The following THOC5 variants were observed in gnomAD, a reference collection of about 807,000 sequenced individuals.
THOC5 encodes the protein THO complex subunit 5.
THOC5 carries 43 observed loss-of-function variants against 92.9 expected under a neutral mutation model. The observed-to-expected ratio is 0.46, with a 90% confidence interval of 0.36 to 0.60. The LOEUF (loss-of-function observed/expected upper bound fraction) is 0.60. THOC5 is among the 20% of genes least tolerant of loss of function. The probability of loss-of-function intolerance (pLI) is 0.00; values close to 1 mark genes in which losing one functional copy is unlikely to be tolerated. For synonymous variants in THOC5, 296 were observed against 320.1 expected, an observed-to-expected ratio of 0.92 and a Z score of 0.80; for missense variants, 659 against 849.4, an observed-to-expected ratio of 0.78 and a Z score of 2.79.
At chr22:29,537,314 C>G (rs2063778892) in intron 6 of THOC5, among the ~76,000 whole-genome samples, 1 of 152,154 alleles carries the variant, frequency 6.6e-6, no homozygotes, top group Non-Finnish European at 1.5e-5. Flanking sequence ...ACAGGTCAGC[C>G]CCATCTGCTA....
rs2283859 is a variant in THOC5, at chr22:29,508,530, T to C, written c.1989-10A>G. 391,134 of 1,610,380 alleles carry C rather than the reference T, an allele frequency of 0.24. 48,678 individuals carry two copies. Among genetic ancestry groups the C allele is most frequent in the Middle Eastern group, 0.3 (1,815 of 6,052 alleles). On this transcript the variant is annotated splice_polypyrimidine_tract_variant and intron_variant, in intron 19 of 19. Transcript: ENST00000490103. ...CATCCTGCTAGGACCCCTAGAGAAATAGGAGAACGGAGTTGTTAATAACAC... is the reference window on the plus strand; with the variant it reads ...CATCCTGCTAGGACCCCTAGAGAAACAGGAGAACGGAGTTGTTAATAACAC...
intron 17 of THOC5, among the ~76,000 whole-genome samples, chr22:29,513,635 G>A (rs150150909): frequency 1.1e-3 from 161 of 152,152 alleles, no homozygotes; most frequent in African/African-American, 3.4e-3. Flanking sequence ...GTTGCAGTGA[G>A]CTGAGATCAT....
rs181166556 is a variant in THOC5, at chr22:29,547,124, G to A, written c.96+1928C>T. ...CTCCCAAAGTGCTAGGATTATAGGCGTGAGCCACTGCACATGGCCCTGTCA... is the reference window on the plus strand; with the variant it reads ...CTCCCAAAGTGCTAGGATTATAGGCATGAGCCACTGCACATGGCCCTGTCA... On this transcript the variant is annotated intron_variant, in intron 2 of 19. Transcript: ENST00000490103. 3.0e-3 allele frequency among the ~76,000 whole-genome samples: 461 copies of A among 152,194 alleles called. 3 individuals carry two copies. Among genetic ancestry groups the A allele is most frequent in the African/African-American group, 0.011 (439 of 41,524 alleles).
chr22:29,549,660 G>GA (rs2064101933), intron 1 of THOC5, among the ~76,000 whole-genome samples: 1 of 152,088 alleles, frequency 6.6e-6, no homozygotes, highest in Admixed American at 6.6e-5. Context: ...ATAATGCACT[G>GA]AATATCCATA....
At chr22:29,543,952 T>C (rs2063957430) in intron 3 of THOC5, among the ~76,000 whole-genome samples, 1 of 152,166 alleles carries the variant, frequency 6.6e-6, no homozygotes, top group Admixed American at 6.6e-5. Context: ...ATGCAATAAT[T>C]CTAACAAAAC....
chr22:29,509,068 C>T (rs898476852), intron 19 of THOC5, among the ~76,000 whole-genome samples: 10 of 152,032 alleles, frequency 6.6e-5, no homozygotes, highest in Admixed American at 2.6e-4. Context: ...GGCCGGAGAG[C>T]CTTGCCTCTC....
chr22:29,524,389 A>C (rs949457131), intron 12 of THOC5, among the ~76,000 whole-genome samples: 1 of 152,130 alleles, frequency 6.6e-6, no homozygotes, highest in Non-Finnish European at 1.5e-5. Context: ...CTGGGAGGGG[A>C]TATTACAATT....
At chr22:29,540,186 C>T (rs2063851240) in intron 5 of THOC5, among the ~76,000 whole-genome samples, 3 of 152,210 alleles carry the variant, frequency 2.0e-5, no homozygotes, top group South Asian at 4.1e-4. Context: ...GCAGGAGAAT[C>T]GCTCGAACCC....
At chr22:29,537,916 A>C (rs1277111023) in intron 6 of THOC5, among the ~76,000 whole-genome samples, 1 of 152,202 alleles carries the variant, frequency 6.6e-6, no homozygotes, top group East Asian at 1.9e-4. Context: ...ATAAATAGAT[A>C]AATAAATAAA....
intron 18 of THOC5, among the ~76,000 whole-genome samples, chr22:29,511,624 A>G (rs781306374): frequency 2.0e-5 from 3 of 152,294 alleles, no homozygotes; most frequent in Non-Finnish European, 4.4e-5. Context: ...TTGACTTAGT[A>G]GCAGCAATGC....
chr22:29,531,142 G>C, intron 8 of THOC5: 1 of 1,162,794 alleles, frequency 8.6e-7, no homozygotes, highest in Non-Finnish European at 1.1e-6. Context: ...AGAACAAAGG[G>C]GAGGGGAGGA....
At chr22:29,539,194 G>C (rs374394334) in intron 6 of THOC5, 136 bp downstream of exon 6, 11 of 873,842 alleles carry the variant, frequency 1.3e-5, no homozygotes, top group East Asian at 5.1e-5. Flanking sequence ...AAACTATCCA[G>C]TGTGATTTAA....
chr22:29,516,159 A>G (rs1202456295), intron 17 of THOC5, among the ~76,000 whole-genome samples: 1 of 151,998 alleles, frequency 6.6e-6, no homozygotes, highest in African/African-American at 2.4e-5. Flanking sequence ...AAAAAAAAAA[A>G]AAAAGGGTGT....
At chr22:29,532,223 G>A (rs2063669443) in intron 7 of THOC5, among the ~76,000 whole-genome samples, 4 of 152,216 alleles carry the variant, frequency 2.6e-5, no homozygotes, top group Admixed American at 2.6e-4. Context: ...ACTTTGGGAG[G>A]CTGAGGCAGG....
At chr22:29,543,007 G>A (rs765395655) in intron 4 of THOC5, 51 bp from the exon 5 acceptor site, 1 of 1,376,610 alleles carries the variant, frequency 7.3e-7, no homozygotes, top group East Asian at 2.3e-5. Context: ...GGATGGAGCA[G>A]AGGAGAGGGT....
At chr22:29,529,914 G>A (rs924668270) in intron 8 of THOC5, among the ~76,000 whole-genome samples, 2 of 152,190 alleles carry the variant, frequency 1.3e-5, no homozygotes, top group Non-Finnish European at 2.9e-5. Context: ...GGCCGAGGCA[G>A]GTGGATCACC....
intron 11 of THOC5, 35 bp from the exon 12 acceptor site, chr22:29,525,981 A>G: frequency 7.0e-7 from 1 of 1,419,992 alleles, no homozygotes. Flanking sequence ...TTTATGAGTC[A>G]AAACACTCAG....
At chr22:29,510,710 G>A (rs2063207089) in intron 19 of THOC5, among the ~76,000 whole-genome samples, 1 of 152,146 alleles carries the variant, frequency 6.6e-6, no homozygotes, top group Non-Finnish European at 1.5e-5. Flanking sequence ...ACTCCTATCT[G>A]TTTTACTTTG....
chr22:29,511,082 C>A (rs2063212668), intron 19 of THOC5, 24 bp downstream of exon 19: 1 of 1,604,560 alleles, frequency 6.2e-7, no homozygotes, highest in Admixed American at 1.7e-5. Flanking sequence ...TGAGAAGTCA[C>A]CAGAGCCCCA....
Sources: allele counts gnomAD v4.1 joint callset (sites outside exome capture counted in the v4.1 genomes callset), GRCh38; gene constraint gnomAD v4.1.1; transcripts MANE v1.5; gene names NCBI Gene and HGNC (gene_info 2026-07-23, HGNC 2026-07-21).